HEPACAM2: variants seen among roughly 807,000 people sequenced by gnomAD.
HEPACAM2 encodes the protein HEPACAM family member 2, also known as mitotic kinetics regulator.
Under a neutral mutation model 49.6 loss-of-function variants are expected in HEPACAM2, and 49 were observed. The ratio of observed to expected loss-of-function variants is 0.99; its 90% CI spans 0.78 to 1.25. The LOEUF is 1.25. Ranked by LOEUF, HEPACAM2 falls within the 50% of genes most tolerant of loss-of-function variation. The pLI is 0.00. For synonymous variants in HEPACAM2, 197 were observed against 202.9 expected, an observed-to-expected ratio of 0.97 and a Z score of 0.25; for missense variants, 525 against 557.2, an observed-to-expected ratio of 0.94 and a Z score of 0.58.
At chr7:93,218,484 T>G (rs1046836214) in intron 2 of HEPACAM2, among the ~76,000 whole-genome samples, 1 of 152,144 alleles carries the variant, frequency 6.6e-6, no homozygotes, top group African/African-American at 2.4e-5. Flanking sequence ...GAGCAATTGA[T>G]AGAATGGAAT....
In HEPACAM2 at chr7:93,215,629, C is replaced by T. The variant is rs201617186; in HGVS notation, c.487G>A (p.Val163Met). The T allele has an allele frequency of 2.5e-6, 4 of 1,613,746 alleles. No homozygotes were observed. Among genetic ancestry groups the T allele is most frequent in the Non-Finnish European group, 3.4e-6 (4 of 1,179,816 alleles). The change falls in exon 3 of 10, where the codon GTG (valine) becomes ATG (methionine). Residue 163 changes from valine to methionine, a missense_variant. Transcript: ENST00000394468. ...IHPPSGAVEYVGNMTLTCHVE... is the reference protein window; with the variant it reads ...IHPPSGAVEYMGNMTLTCHVE... ...TGGCATGTCAGGGTCATGTTCCCCA[C>T]ATACTCCACAGCCCCAGAGGGAGGA...
intron 3 of HEPACAM2, among the ~76,000 whole-genome samples, chr7:93,213,034 AAT>A (rs1794215795): frequency 6.6e-6 from 1 of 152,042 alleles, no homozygotes. Flanking sequence ...TCTCTTTAAC[AAT>A]TTATGGCTGT....
intron 3 of HEPACAM2, among the ~76,000 whole-genome samples, chr7:93,211,686 T>C (rs1259560643): frequency 6.6e-6 from 1 of 151,804 alleles, no homozygotes; most frequent in Non-Finnish European, 1.5e-5. Flanking sequence ...GATAGAACAT[T>C]AGGGAAGGAA....
intron 1 of HEPACAM2, among the ~76,000 whole-genome samples, chr7:93,225,459 T>G (rs1794522001): frequency 6.6e-6 from 1 of 152,098 alleles, no homozygotes; most frequent in Admixed American, 6.5e-5. Context: ...CAATGCAAAC[T>G]TTAACAAAAT....
intron 4 of HEPACAM2, chr7:93,205,634 T>C (rs1177037077): frequency 6.6e-6 from 1 of 152,142 alleles, no homozygotes; most frequent in African/African-American, 2.4e-5. Flanking sequence ...TCAGAGTGGA[T>C]GGAGAGTAGG....
chr7:93,192,408 A>G (rs1212053507), intron 8 of HEPACAM2, 45 bp from the exon 9 acceptor site: 7 of 1,426,336 alleles, frequency 4.9e-6, no homozygotes, highest in Admixed American at 3.4e-5. Flanking sequence ...CAAGACTAGT[A>G]AATAGTTTTT....
Position 93,215,680 on chromosome 7 carries a change from C to A in HEPACAM2, c.436G>T (p.Val146Phe), listed in dbSNP as rs1177605408. The change falls in exon 3 of 10, where the codon GTC becomes TTC. Residue 146 changes from valine (V) to phenylalanine (F), a missense_variant. By Grantham distance (50) the Val-to-Phe change is conservative. Coordinates refer to ENST00000394468, the MANE Select transcript of HEPACAM2 (RefSeq NM_001039372.4). ...TGAATCTGCACCACTGGCTTTGTGA[C>A]AGGATCTGCAATATTAAGAGAGATA... ...QKIQVTVDDP[V>F]TKPVVQIHPP... The A allele has an allele frequency of 2.5e-6, 4 of 1,612,510 alleles. No homozygotes were observed. In the African/African-American group the frequency reaches 5.3e-5, roughly 22 times the overall value.
At chr7:93,217,511 T>A (rs1794333057) in intron 2 of HEPACAM2, among the ~76,000 whole-genome samples, 2 of 152,144 alleles carry the variant, frequency 1.3e-5, no homozygotes, top group Admixed American at 6.6e-5. Context: ...TCATGGAAAT[T>A]CCCTTTAGAT....
intron 2 of HEPACAM2, among the ~76,000 whole-genome samples, chr7:93,218,515 A>G (rs1172000960): frequency 3.9e-5 from 6 of 152,112 alleles, no homozygotes; most frequent in Non-Finnish European, 8.8e-5. Flanking sequence ...TAAAATGGGG[A>G]ATACTGTCAA....
chr7:93,202,032 C>CA (rs71998232), intron 4 of HEPACAM2, among the ~76,000 whole-genome samples: 50 of 102,006 alleles, frequency 4.9e-4, no homozygotes, highest in African/African-American at 1.8e-3. Flanking sequence ...AAAAAAAAAC[C>CA]AAAAAAAAAA....
chr7:93,198,110 T>A (rs950249170), intron 4 of HEPACAM2, among the ~76,000 whole-genome samples: 8 of 152,046 alleles, frequency 5.3e-5, no homozygotes, highest in Non-Finnish European at 1.5e-5. Flanking sequence ...TCTCTTACCA[T>A]AAATGATGAA....
chr7:93,220,266 G>T (rs1794420983), intron 1 of HEPACAM2, among the ~76,000 whole-genome samples: 1 of 152,190 alleles, frequency 6.6e-6, no homozygotes, highest in Non-Finnish European at 1.5e-5. Context: ...GAATACACAG[G>T]AATAGGGCTA....
chr7:93,220,474 G>A (rs1794426601), intron 1 of HEPACAM2, among the ~76,000 whole-genome samples: 2 of 152,222 alleles, frequency 1.3e-5, no homozygotes, highest in African/African-American at 4.8e-5. Flanking sequence ...CTGGAAGAAA[G>A]GAATTGCAGT....
chr7:93,215,702 G>C lies in HEPACAM2; in HGVS notation c.431-17C>G, dbSNP rs560144769. 2.5e-6 allele frequency: 4 copies of C among 1,598,762 alleles called. No homozygotes were observed. The highest frequency in any genetic ancestry group is 2.2e-5 in the South Asian group (2 of 89,628). ...TGACAGGATCTGCAATATTAAGAGA[G>C]ATATGAATGATTTTTTCTTTTCATG... On this transcript the variant is annotated splice_polypyrimidine_tract_variant and intron_variant, in intron 2 of 9. Coordinates refer to ENST00000394468, the MANE Select transcript of HEPACAM2 (RefSeq NM_001039372.4).
At chr7:93,204,760 A>G (rs1793986998) in intron 4 of HEPACAM2, among the ~76,000 whole-genome samples, 1 of 152,162 alleles carries the variant, frequency 6.6e-6, no homozygotes. Context: ...GGTTTCACCA[A>G]CATTCTCAGT....
At chr7:93,204,670 G>A (rs1263242340) in intron 4 of HEPACAM2, among the ~76,000 whole-genome samples, 1 of 152,112 alleles carries the variant, frequency 6.6e-6, no homozygotes. Context: ...GATAGGTGAT[G>A]AGAAAGTACA....
intron 3 of HEPACAM2, among the ~76,000 whole-genome samples, chr7:93,213,059 C>T (rs1226080146): frequency 6.6e-6 from 1 of 151,902 alleles, no homozygotes; most frequent in African/African-American, 2.4e-5. Flanking sequence ...GGGAACAGTG[C>T]CTAAATTTAC....
In HEPACAM2 at chr7:93,197,361, C is replaced by T; in HGVS notation, c.1163+12G>A. ...AGGAAAACAACTATTTTCATAGAAA[C>T]AGATGCATTACCTGCCTTCTAGTTT... On this transcript the variant is annotated intron_variant, in intron 6 of 9. Transcript: ENST00000394468. The T allele has an allele frequency of 6.3e-7, 1 of 1,599,212 alleles. No homozygotes were observed. Among genetic ancestry groups the T allele is most frequent in the Non-Finnish European group, 8.5e-7 (1 of 1,173,254 alleles).
chr7:93,206,939 CTG>C (rs1794044039), intron 4 of HEPACAM2, among the ~76,000 whole-genome samples: 1 of 152,066 alleles, frequency 6.6e-6, no homozygotes, highest in African/African-American at 2.4e-5. Context: ...TCAAAACACT[CTG>C]GAGATAAAAT....
Sources: allele counts gnomAD v4.1 joint callset (sites outside exome capture counted in the v4.1 genomes callset), GRCh38; gene constraint gnomAD v4.1.1; transcripts MANE v1.5; gene names NCBI Gene and HGNC (gene_info 2026-07-23, HGNC 2026-07-21).